IL1RAPL1: variants seen among roughly 807,000 people sequenced by gnomAD.
The protein encoded by IL1RAPL1 is interleukin 1 receptor accessory protein like 1.
Under a neutral mutation model 48.4 loss-of-function variants are expected in IL1RAPL1, and 3 were observed. The ratio of observed to expected loss-of-function variants is 0.06; its 90% CI spans 0.03 to 0.16. The LOEUF (loss-of-function observed/expected upper bound fraction) is 0.16. Ranked by LOEUF, IL1RAPL1 falls within the 10% of genes least tolerant of loss-of-function variation. IL1RAPL1 has a pLI of 1.00. For missense variants in IL1RAPL1, 349 were observed against 530.6 expected, an observed-to-expected ratio of 0.66 and a Z score of 3.36; for synonymous variants, 185 against 187.7, an observed-to-expected ratio of 0.99 and a Z score of 0.12.
chrX:29,162,384 T>C (rs141063109), intron 2 of IL1RAPL1, among the ~76,000 whole-genome samples: 15 of 110,503 alleles, frequency 1.4e-4, no homozygotes, highest in African/African-American at 4.6e-4. Context: ...AATAAATAAA[T>C]AAATAAATAA....
At position 29,803,551 on chromosome X, in the gene IL1RAPL1, GTGTATATA is replaced by G. The variant is rs1250562758; in HGVS notation, c.779-113898_779-113891del. Among the ~76,000 whole-genome samples the G allele has an allele frequency of 1.3e-3, 130 of 98,766 alleles. 1 individual carries two copies. The highest frequency in any genetic ancestry group is 6.5e-3 in the Middle Eastern group (1 of 155). The allele number at this position is 98,766 out of a possible 115,157, so 85.8% of individuals were successfully genotyped here. On this transcript the variant is annotated intron_variant, in intron 6 of 10. Transcript: ENST00000378993. ...TATATGTATACATATATGTATATGT[GTGTATATA>G]TGTATATATGTATACATATATGTAT...
At chrX:29,892,085 G>A (rs894091613) in intron 6 of IL1RAPL1, among the ~76,000 whole-genome samples, 1 of 111,909 alleles carries the variant, frequency 8.9e-6, no homozygotes, top group African/African-American at 3.2e-5. Flanking sequence ...TACATATCAC[G>A]TTTTCCTTTC....
intron 6 of IL1RAPL1, among the ~76,000 whole-genome samples, chrX:29,720,624 G>A (rs1328577639): frequency 9.0e-6 from 1 of 110,788 alleles, no homozygotes; most frequent in Non-Finnish European, 1.9e-5. Context: ...TCTAGGGGAG[G>A]CATAGCACTA....
rs760689309 is a variant in IL1RAPL1 at position 29,334,806 on chromosome X, A to G, written c.362+51589A>G. Among the ~76,000 whole-genome samples, 749 of 112,231 alleles carry G rather than the reference A, an allele frequency of 6.7e-3. 2 individuals carry two copies. Among genetic ancestry groups the G allele is most frequent in the Non-Finnish European group, 0.011 (589 of 52,915 alleles). On this transcript the variant is annotated intron_variant, in intron 3 of 10. Coordinates refer to ENST00000378993, the MANE Select transcript of IL1RAPL1 (RefSeq NM_014271.4). ...CACTTTCCAGACTGTGCAGCCAGGC[A>G]GAGAGGCTCCTCATATCCCAGACGA...
At chrX:28,778,139 G>T (rs931253903) in intron 1 of IL1RAPL1, among the ~76,000 whole-genome samples, 4 of 111,450 alleles carry the variant, frequency 3.6e-5, no homozygotes, top group Non-Finnish European at 7.5e-5. Context: ...CTCATAAGTT[G>T]TTATGGTTAT....
chrX:29,869,196 A>G (rs1931755915), intron 6 of IL1RAPL1, among the ~76,000 whole-genome samples: 1 of 112,556 alleles, frequency 8.9e-6, no homozygotes, highest in African/African-American at 3.2e-5. Context: ...GTTTTAAAAC[A>G]CACACAGAAT....
chrX:29,220,089 C>T (rs1013237480), intron 2 of IL1RAPL1, among the ~76,000 whole-genome samples: 2 of 111,656 alleles, frequency 1.8e-5, no homozygotes, highest in Non-Finnish European at 3.8e-5. Context: ...TAGGGCTAAG[C>T]GTGCTTTTGT....
intron 2 of IL1RAPL1, among the ~76,000 whole-genome samples, chrX:28,849,774 A>G (rs756775798): frequency 1.8e-5 from 2 of 111,713 alleles, no homozygotes; most frequent in South Asian, 7.5e-4. Flanking sequence ...CTTTTTAAAA[A>G]CCATAGCATA....
intron 5 of IL1RAPL1, among the ~76,000 whole-genome samples, chrX:29,567,619 G>C (rs1463134391): frequency 8.9e-6 from 1 of 111,780 alleles, no homozygotes; most frequent in Non-Finnish European, 1.9e-5. Flanking sequence ...GTTAGGAAAA[G>C]TCAAAATAAG....
intron 6 of IL1RAPL1, among the ~76,000 whole-genome samples, chrX:29,825,293 T>C (rs1401337355): frequency 1.8e-5 from 2 of 111,250 alleles, no homozygotes; most frequent in African/African-American, 6.5e-5. Context: ...AAATACCTTG[T>C]TGGCAAAAAT....
At chrX:29,589,921 G>A (rs912962059) in intron 5 of IL1RAPL1, among the ~76,000 whole-genome samples, 2 of 111,000 alleles carry the variant, frequency 1.8e-5, no homozygotes, top group East Asian at 2.8e-4. Flanking sequence ...GTTCACAATC[G>A]GCGCAGAAGG....
At chrX:29,260,178 G>T (rs1168105822) in intron 2 of IL1RAPL1, among the ~76,000 whole-genome samples, 3 of 112,262 alleles carry the variant, frequency 2.7e-5, no homozygotes, top group African/African-American at 9.7e-5. Flanking sequence ...TTTACCAAAT[G>T]TTATAGAAGA....
chrX:28,858,694 CA>C (rs772212747), intron 2 of IL1RAPL1, among the ~76,000 whole-genome samples: 1 of 112,210 alleles, frequency 8.9e-6, no homozygotes, highest in Non-Finnish European at 1.9e-5. Flanking sequence ...ACCGAGGAAC[CA>C]AAAAAATTTG....
intron 6 of IL1RAPL1, among the ~76,000 whole-genome samples, chrX:29,844,582 A>G (rs2147195203): frequency 8.9e-6 from 1 of 112,272 alleles, no homozygotes; most frequent in South Asian, 3.7e-4. Flanking sequence ...AAAAAACAAA[A>G]CAATAAAAAC....
In IL1RAPL1 at chrX:29,167,256, TAAATGTA is replaced by T. The variant is rs1156950006; in HGVS notation, c.83-115681_83-115675del. On this transcript the variant is annotated intron_variant, in intron 2 of 10. Coordinates refer to ENST00000378993, the MANE Select transcript of IL1RAPL1 (RefSeq NM_014271.4). ...TACAGGTATATAATTTATATAGTGA[TAAATGTA>T]GAGAGAGAATATGTACTCCCTTCCC... 4.5e-5 allele frequency among the ~76,000 whole-genome samples: 5 copies of T among 110,515 alleles called. No individual in the cohort carries two copies. The East Asian group carries it at 8.5e-4, about 19-fold the overall frequency.
intron 2 of IL1RAPL1, among the ~76,000 whole-genome samples, chrX:29,262,650 C>T (rs1334329001): frequency 2.8e-5 from 3 of 105,375 alleles, no homozygotes; most frequent in African/African-American, 7.0e-5. Flanking sequence ...GCAACAAGAG[C>T]GAAACTCCAT....
intron 5 of IL1RAPL1, among the ~76,000 whole-genome samples, chrX:29,569,339 G>A (rs1439493583): frequency 9.1e-6 from 1 of 110,157 alleles, no homozygotes; most frequent in Non-Finnish European, 1.9e-5. Context: ...ATATGATTAT[G>A]GCTCCAATCT....
rs1187188706 is a variant in IL1RAPL1, at chrX:29,338,332, A to G, written c.362+55115A>G. ...TTTGAACATAGAATGCTCTATTTAT[A>G]ATGAATCTAAAAGTGTTAAATTATA... On this transcript the variant is annotated intron_variant, in intron 3 of 10. Coordinates refer to ENST00000378993, the MANE Select transcript of IL1RAPL1 (RefSeq NM_014271.4). Among the ~76,000 whole-genome samples the G allele has an allele frequency of 6.3e-5, 7 of 111,918 alleles. No individual in the cohort carries two copies. In the Admixed American group the frequency reaches 6.7e-4, roughly 11 times the overall value.
intron 1 of IL1RAPL1, among the ~76,000 whole-genome samples, chrX:28,679,726 A>G (rs1295025682): frequency 4.5e-5 from 5 of 111,345 alleles, no homozygotes; most frequent in African/African-American, 1.3e-4. Flanking sequence ...TCTTTTCCCC[A>G]TTTTATTTTC....
Sources: gnomAD v4.1 joint callset for allele counts (sites outside exome capture counted in the v4.1 genomes callset) on GRCh38, gnomAD v4.1.1 for gene constraint, MANE v1.5 for transcripts, NCBI Gene and HGNC (gene_info 2026-07-23, HGNC 2026-07-21) for gene names.